PEBP4: variants seen among roughly 807,000 people sequenced by gnomAD.
The protein encoded by PEBP4 is phosphatidylethanolamine binding protein 4.
A neutral mutation model predicts 23.9 loss-of-function variants in PEBP4; 22 were observed. That is an observed-to-expected ratio of 0.92 (90% CI 0.66 to 1.31). PEBP4 has a LOEUF of 1.31. PEBP4 is among the 40% of genes most tolerant of loss of function. PEBP4 has a pLI of 0.00. For missense variants in PEBP4, 324 were observed against 281.7 expected (o/e 1.15, Z -1.07); for synonymous variants, 112 against 99.3 (o/e 1.13, Z -0.76).
intron 3 of PEBP4, among the ~76,000 whole-genome samples, chr8:22,914,347 T>C (rs187807737): frequency 1.3e-5 from 2 of 152,218 alleles, no homozygotes; most frequent in East Asian, 3.9e-4. Flanking sequence ...CCTCCTGTCT[T>C]GGGCTCCCAA....
chr8:22,731,211 C>T (rs1306965669), intron 4 of PEBP4, among the ~76,000 whole-genome samples: 3 of 152,084 alleles, frequency 2.0e-5, no homozygotes, highest in African/African-American at 7.2e-5. Context: ...GTGTGCCTGC[C>T]TCTCCCGCCT....
Position 22,849,427 on chromosome 8 carries a change from G to A in PEBP4, c.259-31692C>T, listed in dbSNP as rs187757919. On this transcript the variant is annotated intron_variant, in intron 3 of 6. Transcript: ENST00000256404. ...CACAGGCAGGGAAAGGAAAGCTACC[G>A]ACCTGAGGTCAGTTAGAGGGCAGAA... 4.9e-4 allele frequency among the ~76,000 whole-genome samples: 75 copies of A among 152,336 alleles called. 2 individuals carry two copies. The South Asian group carries it at 8.7e-3, about 18-fold the overall frequency.
chr8:22,805,028 T>G (rs1409854002), intron 4 of PEBP4, among the ~76,000 whole-genome samples: 1 of 152,164 alleles, frequency 6.6e-6, no homozygotes, highest in Non-Finnish European at 1.5e-5. Flanking sequence ...TCCACGGTTC[T>G]CAGGACTCAA....
chr8:22,862,080 G>A (rs1175081626), intron 3 of PEBP4, among the ~76,000 whole-genome samples: 1 of 152,152 alleles, frequency 6.6e-6, no homozygotes, highest in Admixed American at 6.5e-5. Context: ...GGGGAGAAGA[G>A]AAAGAAAAGA....
intron 3 of PEBP4, among the ~76,000 whole-genome samples, chr8:22,856,047 C>CAAAAAAA (rs34409506): frequency 1.1e-5 from 1 of 91,660 alleles, no homozygotes; most frequent in Non-Finnish European, 2.0e-5. Flanking sequence ...GACCCTGTCT[C>CAAAAAAA]AAAAAAAAAA....
At chr8:22,871,059 A>G (rs973755110) in intron 3 of PEBP4, among the ~76,000 whole-genome samples, 1 of 152,138 alleles carries the variant, frequency 6.6e-6, no homozygotes, top group African/African-American at 2.4e-5. Context: ...CTGACCCCCA[A>G]TCCCAAAGTT....
intron 4 of PEBP4, among the ~76,000 whole-genome samples, chr8:22,736,379 A>T (rs1453690024): frequency 6.6e-6 from 1 of 152,134 alleles, no homozygotes; most frequent in Non-Finnish European, 1.5e-5. Flanking sequence ...CTGAGGCAGG[A>T]GGATTGCTTA....
chr8:22,788,430 A>G (rs1806071773), intron 4 of PEBP4, among the ~76,000 whole-genome samples: 1 of 152,152 alleles, frequency 6.6e-6, no homozygotes, highest in Non-Finnish European at 1.5e-5. Flanking sequence ...GCAGGGAGGG[A>G]AGGCCCTAGA....
rs1480086497 is a variant in PEBP4, at chr8:22,888,528, G to A, written c.258+31656C>T. On this transcript the variant is annotated intron_variant, in intron 3 of 6. Coordinates refer to ENST00000256404, the MANE Select transcript of PEBP4 (RefSeq NM_144962.3). ...GGTGGGGCTTGTAAGTGAGGTGGCC[G>A]TGGCTTCTGCCTATCTCTGGCCAGG... is the stretch of plus-strand genomic sequence containing the variant. 3.9e-5 allele frequency among the ~76,000 whole-genome samples: 6 copies of A among 152,188 alleles called. No individual in the cohort carries two copies. The East Asian group carries it at 9.6e-4, about 24-fold the overall frequency.
chr8:22,764,345 T>C (rs1467283709), intron 4 of PEBP4, among the ~76,000 whole-genome samples: 1 of 152,180 alleles, frequency 6.6e-6, no homozygotes, highest in Non-Finnish European at 1.5e-5. Flanking sequence ...AGGGTCTCTC[T>C]TCAAGTCCAG....
At chr8:22,934,737 C>T (rs1357517526) in intron 1 of PEBP4, among the ~76,000 whole-genome samples, 1 of 152,048 alleles carries the variant, frequency 6.6e-6, no homozygotes, top group Non-Finnish European at 1.5e-5. Flanking sequence ...AACAAAATGG[C>T]AAAATAAGTC....
chr8:22,820,228 G>T (rs1309818346), intron 3 of PEBP4, among the ~76,000 whole-genome samples: 2 of 152,144 alleles, frequency 1.3e-5, no homozygotes, highest in African/African-American at 4.8e-5. Flanking sequence ...CAGAGAAAAA[G>T]GTGTGAGATA....
chr8:22,754,882 T>G (rs1043874143), intron 4 of PEBP4: 3 of 152,314 alleles, frequency 2.0e-5, no homozygotes, highest in African/African-American at 7.2e-5. Flanking sequence ...TTCTCCTCTT[T>G]GGGCCTCAGT....
At chr8:22,915,768 T>C (rs1203754880) in intron 3 of PEBP4, among the ~76,000 whole-genome samples, 2 of 152,212 alleles carry the variant, frequency 1.3e-5, no homozygotes, top group Non-Finnish European at 2.9e-5. Context: ...TCTGTTCTTC[T>C]AGAATTGCTG....
intron 3 of PEBP4, among the ~76,000 whole-genome samples, chr8:22,819,637 GTCTC>G (rs897830128): frequency 4.6e-5 from 7 of 152,238 alleles, no homozygotes; most frequent in East Asian, 1.9e-4. Flanking sequence ...TTGAGACTGA[GTCTC>G]TCTCTGTTGC....
At chr8:22,735,303 GAA>G (rs1231535346) in intron 4 of PEBP4, among the ~76,000 whole-genome samples, 2 of 152,176 alleles carry the variant, frequency 1.3e-5, no homozygotes, top group African/African-American at 2.4e-5. Context: ...AGTGATCAGA[GAA>G]AGTTATTGAA....
chr8:22,772,950 C>G (rs1315451395), intron 4 of PEBP4, among the ~76,000 whole-genome samples: 1 of 152,190 alleles, frequency 6.6e-6, no homozygotes, highest in South Asian at 2.1e-4. Context: ...GCTGGGCTCT[C>G]ATAGCTAACA....
chr8:22,735,581 C>T (rs1297112481), intron 4 of PEBP4, among the ~76,000 whole-genome samples: 1 of 152,196 alleles, frequency 6.6e-6, no homozygotes, highest in Admixed American at 6.5e-5. Flanking sequence ...TTCTGAGACT[C>T]AAAGCTCTCA....
At chr8:22,765,079 C>T (rs778469856) in intron 4 of PEBP4, among the ~76,000 whole-genome samples, 15 of 151,478 alleles carry the variant, frequency 9.9e-5, no homozygotes, top group African/African-American at 1.7e-4. Context: ...GCATCGTCAC[C>T]GGGTCCTCAG....
Sources: allele counts gnomAD v4.1 joint callset (sites outside exome capture counted in the v4.1 genomes callset), GRCh38; gene constraint gnomAD v4.1.1; transcripts MANE v1.5; gene names NCBI Gene and HGNC (gene_info 2026-07-23, HGNC 2026-07-21).